The following ASXL3 variants were observed in gnomAD, a reference collection of about 807,000 sequenced individuals.
ASXL3 encodes the protein ASXL transcriptional regulator 3, also known as putative Polycomb group protein ASXL3.
In ASXL3, 34 loss-of-function variants were observed where a neutral mutation model predicts 170.6. The observed-to-expected ratio is 0.20, with a 90% CI of 0.15 to 0.27. ASXL3 has a LOEUF of 0.27. ASXL3 is among the 10% of genes least tolerant of loss of function. The pLI, the probability that ASXL3 is intolerant of heterozygous loss-of-function variation, is 1.00. For missense variants in ASXL3, 2,592 were observed against 2,695.3 expected, an observed-to-expected ratio of 0.96 and a Z score of 0.85; for synonymous variants, 1,002 against 989.1, an observed-to-expected ratio of 1.01 and a Z score of -0.24.
chr18:33,686,184 C>T (rs772727601), intron 8 of ASXL3, among the ~76,000 whole-genome samples: 1 of 152,132 alleles, frequency 6.6e-6, no homozygotes, highest in African/African-American at 2.4e-5. Context: ...CATTGAGAAA[C>T]TTTTTTTATT....
chr18:33,727,047 C>T (rs2067363976), intron 8 of ASXL3, among the ~76,000 whole-genome samples: 1 of 152,144 alleles, frequency 6.6e-6, no homozygotes. Context: ...GAGGCTCATC[C>T]TGATACCCTA....
rs377428179 is a variant in ASXL3 at position 33,746,070 on chromosome 18, C to A, written c.6222C>A (p.Gly2074=). 64 of 1,613,228 alleles carry A rather than the reference C, an allele frequency of 4.0e-5. No individual in the cohort carries two copies. The highest frequency in any genetic ancestry group is 3.3e-4 in the African/African-American group (25 of 74,878). ...GACTTAGTTGGCCACAGTCCACGGGCATATGTAGCAATATAAAATCGGAAC... is the reference window on the plus strand; with the variant it reads ...GACTTAGTTGGCCACAGTCCACGGGAATATGTAGCAATATAAAATCGGAAC... ...TKRLSWPQST[G]ICSNIKSEPL... is the part of the protein sequence containing the mutation. The change falls in exon 12 of 12, where the codon GGC becomes GGA. Residue 2074 remains glycine, a synonymous_variant. Transcript: ENST00000269197.
intron 2 of ASXL3, among the ~76,000 whole-genome samples, chr18:33,643,072 G>A (rs1599434929): frequency 1.3e-5 from 2 of 151,768 alleles, no homozygotes; most frequent in African/African-American, 4.8e-5. Flanking sequence ...TTTACTTGTC[G>A]TGTTAACATC....
intron 2 of ASXL3, among the ~76,000 whole-genome samples, chr18:33,639,349 G>T (rs1321778840): frequency 6.6e-6 from 1 of 152,044 alleles, no homozygotes; most frequent in Admixed American, 6.6e-5. Flanking sequence ...AGGCTGACTG[G>T]CTCCAGAGCC....
intron 4 of ASXL3, chr18:33,649,636 T>C (rs2065966995): frequency 6.6e-6 from 1 of 152,186 alleles, no homozygotes; most frequent in Non-Finnish European, 1.5e-5. Context: ...AGCTGGGGTT[T>C]TGCCAAATGT....
At chr18:33,681,920 CCT>C (rs2066521837) in intron 7 of ASXL3, among the ~76,000 whole-genome samples, 2 of 151,904 alleles carry the variant, frequency 1.3e-5, no homozygotes, top group Admixed American at 6.6e-5. Context: ...TAATTTTTCC[CCT>C]GTTATGTCCA....
intron 2 of ASXL3, among the ~76,000 whole-genome samples, chr18:33,627,799 A>G (rs932170279): frequency 1.3e-5 from 2 of 152,174 alleles, no homozygotes; most frequent in African/African-American, 4.8e-5. Flanking sequence ...CAAGGAATAT[A>G]CTAGAGTTTC....
chr18:33,739,346 A>C lies in ASXL3; in HGVS notation c.1942A>C (p.Thr648Pro). The change falls in exon 11 of 12, where the codon ACA (threonine) becomes CCA (proline). Residue 648 changes from threonine (T) to proline (P), a missense_variant. Physicochemically the swap from Thr to Pro is conservative, Grantham distance 38. Around this residue, in one of 4 missense-constraint regions of ASXL3, gnomAD observed 2,246 missense variants for 2,219.6 expected, o/e 1.01. Coordinates refer to ENST00000269197, the MANE Select transcript of ASXL3 (RefSeq NM_030632.3). The stretch of plus-strand genomic sequence containing the variant: ...ATGTACTCCAGCCTCCCTTGAGACA[A>C]CATTTTGTTCTGAGGTATCTAGCAC... ...ESCTPASLET[T>P]FCSEVSSTEN... 1 of 1,613,644 alleles carries C rather than the reference A, an allele frequency of 6.2e-7. No homozygotes were observed. Among genetic ancestry groups the C allele is most frequent in the South Asian group, 1.1e-5 (1 of 91,028 alleles).
intron 1 of ASXL3, among the ~76,000 whole-genome samples, chr18:33,585,257 C>T (rs2065025924): frequency 2.0e-5 from 3 of 152,064 alleles, no homozygotes; most frequent in Admixed American, 6.6e-5. Context: ...TATACAACCA[C>T]TTTCAGCTAT....
At chr18:33,716,791 A>G (rs1384415990) in intron 8 of ASXL3, among the ~76,000 whole-genome samples, 2 of 152,024 alleles carry the variant, frequency 1.3e-5, no homozygotes, top group South Asian at 2.1e-4. Flanking sequence ...AATGAACTGT[A>G]TACTGTCTTC....
chr18:33,695,482 A>G (rs2066757943), intron 8 of ASXL3, among the ~76,000 whole-genome samples: 1 of 152,130 alleles, frequency 6.6e-6, no homozygotes, highest in Non-Finnish European at 1.5e-5. Flanking sequence ...TAAGATGGAA[A>G]TTCTTTATGG....
chr18:33,693,182 G>C (rs2066713409), intron 8 of ASXL3, among the ~76,000 whole-genome samples: 3 of 152,190 alleles, frequency 2.0e-5, no homozygotes, highest in African/African-American at 7.2e-5. Context: ...ATTTAGGGGA[G>C]AAGGAGGTGC....
intron 2 of ASXL3, among the ~76,000 whole-genome samples, chr18:33,634,110 G>C (rs1356627219): frequency 6.6e-6 from 1 of 152,068 alleles, no homozygotes; most frequent in Non-Finnish European, 1.5e-5. Context: ...ACTTTTAACT[G>C]GGTATAATGA....
chr18:33,739,698 C>A lies in ASXL3; in HGVS notation c.2294C>A (p.Ala765Glu), dbSNP rs570492902. Residue 765 changes from alanine to glutamate, a missense_variant, in exon 11 of 12, where the codon GCA becomes GAA. Ala to Glu is a moderately radical substitution (Grantham distance 107). Transcript: ENST00000269197. ...AACTCTTCCATAAATGAGAGAATGG[C>A]ACATCAGCAAAGAAAGTCACCTTCT... is the stretch of plus-strand genomic sequence containing the variant. The part of the protein sequence containing the change: ...ISNSSINERM[A>E]HQQRKSPSVS... The A allele has an allele frequency of 9.9e-6, 16 of 1,613,928 alleles. No individual in the cohort carries two copies. Among genetic ancestry groups the A allele is most frequent in the Non-Finnish European group, 1.4e-5 (16 of 1,179,882 alleles).
chr18:33,662,357 T>A (rs1017478439), intron 5 of ASXL3, among the ~76,000 whole-genome samples: 1 of 152,186 alleles, frequency 6.6e-6, no homozygotes, highest in Non-Finnish European at 1.5e-5. Flanking sequence ...GCTACTCACC[T>A]GCTGTCTCTA....
At chr18:33,648,252 G>A (rs1024098405) in intron 4 of ASXL3, among the ~76,000 whole-genome samples, 1 of 152,056 alleles carries the variant, frequency 6.6e-6, no homozygotes, top group African/African-American at 2.4e-5. Flanking sequence ...CCATTAGACA[G>A]CTATTGTCGT....
At position 33,745,955 on chromosome 18, in the gene ASXL3, C is replaced by T. The variant is rs778714083; in HGVS notation, c.6107C>T (p.Pro2036Leu). The T allele has an allele frequency of 1.6e-5, 25 of 1,530,918 alleles. No homozygotes were observed. The highest frequency in any genetic ancestry group is 3.8e-4 in the Middle Eastern group (2 of 5,326). The allele number at this position is 1,530,918 out of a possible 1,614,324, so 94.8% of individuals were successfully genotyped here. The change falls in exon 12 of 12, where the codon CCC becomes CTC. Residue 2036 changes from proline (P) to leucine (L), a missense_variant. Coordinates refer to ENST00000269197, the MANE Select transcript of ASXL3 (RefSeq NM_030632.3). ...PPPLALPPPP[P>L]PPPPLPPPLP... The stretch of plus-strand genomic sequence containing the variant: ...CCCTTGGCTTTGCCCCCGCCTCCCC[C>T]CCCACCACCTCCGCTACCTCCACCT...
intron 8 of ASXL3, among the ~76,000 whole-genome samples, chr18:33,731,322 G>T (rs987039665): frequency 6.6e-6 from 1 of 152,188 alleles, no homozygotes; most frequent in Non-Finnish European, 1.5e-5. Flanking sequence ...TGAAGATCTA[G>T]TTGGGGTTAC....
intron 7 of ASXL3, among the ~76,000 whole-genome samples, chr18:33,673,015 A>G (rs1291722706): frequency 6.6e-6 from 1 of 152,178 alleles, no homozygotes; most frequent in African/African-American, 2.4e-5. Flanking sequence ...CCCAAAATGT[A>G]TGTTTGTGTA....
Sources: gnomAD v4.1 joint callset for allele counts (sites outside exome capture counted in the v4.1 genomes callset) on GRCh38, gnomAD v4.1.1 for gene constraint, gnomAD v4.1.1 regional missense constraint, MANE v1.5 for transcripts, NCBI Gene and HGNC (gene_info 2026-07-23, HGNC 2026-07-21) for gene names.